Variants in TPM3 observed in about 807,000 individuals in gnomAD.
The protein encoded by TPM3 is tropomyosin 3, also known as tropomyosin alpha-3 chain.
Under a neutral mutation model 43.1 loss-of-function variants are expected in TPM3, and 16 were observed. The observed-to-expected ratio is 0.37, with a 90% CI of 0.25 to 0.56. The LOEUF is 0.56. Among genes scored for constraint, TPM3 ranks in the 20% least tolerant of loss-of-function variants. The pLI is 0.77. For missense variants in TPM3, 176 were observed against 337.2 expected, an observed-to-expected ratio of 0.52 and a Z score of 3.74; for synonymous variants, 101 against 116.9, an observed-to-expected ratio of 0.86 and a Z score of 0.88.
chr1:154,173,256 TC>T, intron 3 of TPM3, 55 bp from the exon 4 acceptor site: 1 of 1,440,756 alleles, frequency 6.9e-7, no homozygotes, highest in Non-Finnish European at 9.7e-7. Context: ...TGTCGTCAGC[TC>T]CACTCCAAGG....
At chr1:154,190,217 C>T (rs1313189940) in intron 2 of TPM3, among the ~76,000 whole-genome samples, 2 of 152,212 alleles carry the variant, frequency 1.3e-5, no homozygotes, top group Admixed American at 6.5e-5. Flanking sequence ...GCTGGGATTA[C>T]AGGCGTGAGC....
chr1:154,166,613 CTT>C lies in TPM3; in HGVS notation c.*1322_*1323del. 1.8e-5 allele frequency: 19 copies of C among 1,044,136 alleles called. No homozygotes were observed. The highest frequency in any genetic ancestry group is 2.2e-5 in the Non-Finnish European group (19 of 866,086). The allele number at this position is 1,044,136 out of a possible 1,614,324, so 64.7% of individuals were successfully genotyped here. On this transcript the variant is annotated 3_prime_UTR_variant, in exon 10 of 10. Coordinates refer to ENST00000651641, the MANE Select transcript of TPM3 (RefSeq NM_152263.4). ...AAACTAAAGTACTAAGTGAACAACA[CTT>C]ACGTGCTTGGATTAGTATAATTCAC... is the stretch of plus-strand genomic sequence containing the variant.
At chr1:154,155,399 C>T (rs957963401), downstream of TPM3, 7 of 316,266 alleles carry the variant, frequency 2.2e-5, no homozygotes, top group Admixed American at 1.4e-4. Flanking sequence ...GACAAAAAAA[C>T]TTTTTGCAAT....
At chr1:154,172,712 T>A in intron 5 of TPM3, 196 bp downstream of exon 5, 1 of 680,158 alleles carries the variant, frequency 1.5e-6, no homozygotes, top group Non-Finnish European at 2.6e-6. Flanking sequence ...AAAGCCTCTT[T>A]TGTCACTTGT....
chr1:154,177,725 G>A (rs1662494359), intron 2 of TPM3, among the ~76,000 whole-genome samples: 1 of 152,110 alleles, frequency 6.6e-6, no homozygotes, highest in South Asian at 2.1e-4. Flanking sequence ...TATAGAAACA[G>A]CCTGGGCCAC....
intron 5 of TPM3, chr1:154,171,965 A>AAAAAC (rs1169697237): frequency 1.1e-4 from 171 of 1,587,786 alleles, no homozygotes; most frequent in Middle Eastern, 6.7e-4. Context: ...GCTGCAAAAC[A>AAAAAC]AAAACAAAAC....
rs1238235383 is a variant in TPM3 at position 154,182,960 on chromosome 1, T to C, written c.244-6712A>G. 1.9e-6 allele frequency: 3 copies of C among 1,610,274 alleles called. No homozygotes were observed. The South Asian group carries it at 3.3e-5, about 18-fold the overall frequency. ...TGCCGGATACTCCAGCGCCTGCCCCTCCCTCATGAGCCTCACCATCTCCGT... is the reference window on the plus strand; with the variant it reads ...TGCCGGATACTCCAGCGCCTGCCCCCCCCTCATGAGCCTCACCATCTCCGT... On this transcript the variant is annotated intron_variant, in intron 2 of 9. Coordinates refer to ENST00000651641, the MANE Select transcript of TPM3 (RefSeq NM_152263.4).
chr1:154,171,499 T>G lies in TPM3; in HGVS notation c.567-11A>C. On this transcript the variant is annotated splice_polypyrimidine_tract_variant and intron_variant, in intron 5 of 9. Coordinates refer to ENST00000651641, the MANE Select transcript of TPM3 (RefSeq NM_152263.4). ...AGCTCAGAACACTTACTGTGAATAT[T>G]TTAAATACCACAGGAGAGGAAAAGG... 1 of 1,613,760 alleles carries G rather than the reference T, an allele frequency of 6.2e-7. No homozygotes were observed. Among genetic ancestry groups the G allele is most frequent in the Non-Finnish European group, 8.5e-7 (1 of 1,179,748 alleles).
At chr1:154,157,585 C>G (rs1212207777), downstream of TPM3, 8 of 770,332 alleles carry the variant, frequency 1.0e-5, no homozygotes, top group Non-Finnish European at 1.9e-5. Context: ...AGGCTGGCCT[C>G]AGGCGGAGTC....
At position 154,188,398 on chromosome 1, in the gene TPM3, G is replaced by A. The variant is rs531595352; in HGVS notation, c.243+2788C>T. On this transcript the variant is annotated intron_variant, in intron 2 of 9. Transcript: ENST00000651641. ...ATTAATAGTTTGTGGCGGCCTGGCCGGGCGCGGTGGCTCACACCTGTAATC... is the reference window on the plus strand; with the variant it reads ...ATTAATAGTTTGTGGCGGCCTGGCCAGGCGCGGTGGCTCACACCTGTAATC... 7.9e-5 allele frequency among the ~76,000 whole-genome samples: 12 copies of A among 151,748 alleles called. No homozygotes were observed. In the South Asian group the frequency reaches 1.7e-3, roughly 21 times the overall value.
At chr1:154,169,118 G>T (rs1323188701) in intron 9 of TPM3, among the ~76,000 whole-genome samples, 187 bp downstream of exon 9, 2 of 152,204 alleles carry the variant, frequency 1.3e-5, no homozygotes, top group Non-Finnish European at 2.9e-5. Flanking sequence ...TTACAGGCGT[G>T]AGCCACCGCG....
intron 2 of TPM3, chr1:154,183,390 G>C: frequency 8.4e-7 from 1 of 1,191,508 alleles, no homozygotes; most frequent in Non-Finnish European, 1.1e-6. Flanking sequence ...CTGGGACGGG[G>C]TTGGGACGAG....
At chr1:154,171,629 AC>A in intron 5 of TPM3, 141 bp from the exon 6 acceptor site, 1 of 915,778 alleles carries the variant, frequency 1.1e-6, no homozygotes, top group South Asian at 1.4e-5. Context: ...TTCCCAAGTA[AC>A]CTGAGCAAGC....
At chr1:154,187,946 C>T (rs1353436716) in intron 2 of TPM3, among the ~76,000 whole-genome samples, 1 of 151,646 alleles carries the variant, frequency 6.6e-6, no homozygotes, top group African/African-American at 2.4e-5. Context: ...GGCTATACAA[C>T]TCCAGCCAGC....
chr1:154,158,777 A>G (rs2148187306), downstream of TPM3: 1 of 601,618 alleles, frequency 1.7e-6, no homozygotes, highest in Admixed American at 2.4e-5. Context: ...TCTCTTCTAA[A>G]GGGACAGAAA....
At chr1:154,170,517 G>C (rs1243608540) in intron 7 of TPM3, 48 bp from the exon 8 acceptor site, 4 of 1,608,290 alleles carry the variant, frequency 2.5e-6, no homozygotes, top group Non-Finnish European at 3.4e-6. Flanking sequence ...AGACAAAGAA[G>C]AACAATCTCT....
rs116789181 is a variant in TPM3 at position 154,167,059 on chromosome 1, T to C, written c.*878A>G. On this transcript the variant is annotated 3_prime_UTR_variant, in exon 10 of 10. Transcript: ENST00000651641. ...GGAAAATTTTACTAGCAGAAATTTA[T>C]GTATGTAATAAATCATTAGCCTCAT... 3.1e-3 allele frequency among the ~76,000 whole-genome samples: 465 copies of C among 152,332 alleles called. 2 individuals are homozygous for C. Among genetic ancestry groups the C allele is most frequent in the African/African-American group, 0.011 (448 of 41,564 alleles).
Position 154,167,905 on chromosome 1 carries a change from G to T in TPM3, c.*32C>A. ...TTGGGTTCCCCGAGGAGTAAAGGGG[G>T]CAGATCCAGAACAGAGCAGAAACGG... On this transcript the variant is annotated 3_prime_UTR_variant, in exon 10 of 10. Coordinates refer to ENST00000651641, the MANE Select transcript of TPM3 (RefSeq NM_152263.4). 1 of 1,614,064 alleles carries T rather than the reference G, an allele frequency of 6.2e-7. No homozygotes were observed. The highest frequency in any genetic ancestry group is 8.5e-7 in the Non-Finnish European group (1 of 1,179,944).
At chr1:154,191,138 G>T (rs781638306) in intron 2 of TPM3, 48 bp downstream of exon 2, 4 of 1,613,606 alleles carry the variant, frequency 2.5e-6, no homozygotes, top group East Asian at 2.2e-5. Context: ...TTAACATAAA[G>T]ATCTATATGT....
Sources: gnomAD v4.1 joint callset for allele counts (sites outside exome capture counted in the v4.1 genomes callset) on GRCh38, gnomAD v4.1.1 for gene constraint, MANE v1.5 for transcripts, NCBI Gene and HGNC (gene_info 2026-07-23, HGNC 2026-07-21) for gene names.